The following CAPS2 variants were observed in gnomAD, a reference collection of about 807,000 sequenced individuals.
The protein encoded by CAPS2 is calcyphosin-2.
In CAPS2, 98 loss-of-function variants were observed where a neutral mutation model predicts 86.5. That is an observed-to-expected ratio of 1.13 (90% confidence interval 0.96 to 1.34). The LOEUF is 1.34. Ranked by LOEUF, CAPS2 falls within the 40% of genes most tolerant of loss-of-function variation. The probability of loss-of-function intolerance (pLI) is 0.00; values close to 1 mark genes in which losing one functional copy is unlikely to be tolerated. For missense variants in CAPS2, 729 were observed against 686.8 expected (o/e 1.06, Z -0.69); for synonymous variants, 210 against 225.1 (o/e 0.93, Z 0.60).
intron 6 of CAPS2, among the ~76,000 whole-genome samples, chr12:75,314,419 TACACTGA>T: frequency 6.6e-6 from 1 of 152,150 alleles, no homozygotes; most frequent in Non-Finnish European, 1.5e-5. Flanking sequence ...TTATTTAGCC[TACACTGA>T]ATCTAGTTTT....
chr12:75,330,866 C>T (rs2139161557), upstream of CAPS2, among the ~76,000 whole-genome samples: 1 of 151,752 alleles, frequency 6.6e-6, no homozygotes, highest in African/African-American at 2.4e-5. Flanking sequence ...CTCACTGCAA[C>T]CTCTGCCTCC....
intron 1 of CAPS2, among the ~76,000 whole-genome samples, chr12:75,350,997 A>C (rs2042772245): frequency 6.6e-6 from 1 of 152,250 alleles, no homozygotes. Flanking sequence ...TTTAGAGAGG[A>C]ACATAAATGA....
intron 8 of CAPS2, among the ~76,000 whole-genome samples, chr12:75,300,281 G>T (rs941708140): frequency 1.3e-5 from 2 of 151,952 alleles, no homozygotes; most frequent in Non-Finnish European, 2.9e-5. Flanking sequence ...TAGCGGCCGG[G>T]CGCGGTGGCT....
chr12:75,332,184 A>T (rs182047098), upstream of CAPS2, among the ~76,000 whole-genome samples: 94 of 152,314 alleles, frequency 6.2e-4, no homozygotes, highest in African/African-American at 2.2e-3. Context: ...TTACTCTATG[A>T]AATTTCTGTT....
intron 1 of CAPS2, among the ~76,000 whole-genome samples, chr12:75,379,391 G>A (rs775098718): frequency 1.4e-4 from 22 of 152,294 alleles, no homozygotes; most frequent in Admixed American, 7.8e-4. Context: ...TTGTCAAGAA[G>A]AGAAAATTCT....
At chr12:75,385,513 G>T (rs746602751) in intron 1 of CAPS2, among the ~76,000 whole-genome samples, 1 of 152,154 alleles carries the variant, frequency 6.6e-6, no homozygotes, top group Non-Finnish European at 1.5e-5. Context: ...CATACTTAAT[G>T]ATGAGAAACA....
At chr12:75,280,197 T>C (rs900091441) in intron 16 of CAPS2, among the ~76,000 whole-genome samples, 8 of 151,936 alleles carry the variant, frequency 5.3e-5, no homozygotes, top group African/African-American at 1.7e-4. Flanking sequence ...GAAGGAATAT[T>C]TTCTATAGTT....
At chr12:75,285,179 T>C (rs1405237898) in intron 14 of CAPS2, 99 bp from the exon 15 acceptor site, 2 of 1,096,074 alleles carry the variant, frequency 1.8e-6, no homozygotes, top group African/African-American at 1.6e-5. Context: ...TAGTCCTAGA[T>C]ATAACTCATT....
Position 75,321,300 on chromosome 12 carries a change from T to C in CAPS2, c.468+100A>G, listed in dbSNP as rs971054399. 1.1e-5 allele frequency: 8 copies of C among 725,186 alleles called. No homozygotes were observed. In the South Asian group the frequency reaches 1.4e-4, roughly 13 times the overall value. 44.9% of individuals were successfully genotyped at this position (725,186 alleles called of 1,614,324 possible). A position where few individuals can be genotyped will look rare whatever the true frequency, so the allele number is the denominator to read the frequency against. The stretch of plus-strand genomic sequence containing the variant: ...AAATAAATGTTAGCTATTATACTTA[T>C]TATGACTAATAGCAAGATATGTCAC... On this transcript the variant is annotated intron_variant, in intron 5 of 16. Transcript: ENST00000393284.
intron 1 of CAPS2, chr12:75,362,971 T>C (rs2043709642): frequency 3.9e-6 from 2 of 514,512 alleles, no homozygotes; most frequent in East Asian, 7.5e-5. Flanking sequence ...GAAAATAAAA[T>C]TGAGACATTA....
intron 1 of CAPS2, among the ~76,000 whole-genome samples, chr12:75,363,558 A>C (rs58040831): frequency 6.6e-6 from 1 of 152,172 alleles, no homozygotes; most frequent in African/African-American, 2.4e-5. Context: ...GTCAATGTCC[A>C]AAGTAATTAT....
chr12:75,376,602 A>T (rs2044661928), intron 1 of CAPS2, among the ~76,000 whole-genome samples: 1 of 152,150 alleles, frequency 6.6e-6, no homozygotes, highest in Non-Finnish European at 1.5e-5. Context: ...GCGAGAAGGG[A>T]TATTGCTACC....
At chr12:75,309,098 G>T (rs1386703329) in intron 7 of CAPS2, among the ~76,000 whole-genome samples, 2 of 151,976 alleles carry the variant, frequency 1.3e-5, no homozygotes, top group African/African-American at 4.8e-5. Flanking sequence ...TAGAATTATG[G>T]GATGGAGATG....
At chr12:75,276,973 A>T (rs2033042744), downstream of CAPS2, 1 of 984,424 alleles carries the variant, frequency 1.0e-6, no homozygotes, top group Admixed American at 6.2e-5. Context: ...ATTAAGTTTA[A>T]CACTAAATAA....
chr12:75,295,414 T>C (rs2036712504), intron 11 of CAPS2, among the ~76,000 whole-genome samples: 1 of 152,168 alleles, frequency 6.6e-6, no homozygotes, highest in Non-Finnish European at 1.5e-5. Context: ...ACATGGCCCT[T>C]TTGCACTTAT....
chr12:75,316,642 T>C (rs1338534632), intron 5 of CAPS2, among the ~76,000 whole-genome samples: 4 of 152,218 alleles, frequency 2.6e-5, no homozygotes, highest in East Asian at 1.9e-4. Context: ...AGGTGACTTA[T>C]AGATAAAATG....
intron 7 of CAPS2, among the ~76,000 whole-genome samples, chr12:75,307,403 T>G (rs757001795): frequency 1.3e-5 from 2 of 152,182 alleles, no homozygotes; most frequent in Non-Finnish European, 2.9e-5. Context: ...GGCATTGCAA[T>G]GGGCTAGAAA....
At chr12:75,314,546 T>A (rs928962405) in intron 6 of CAPS2, among the ~76,000 whole-genome samples, 3 of 152,218 alleles carry the variant, frequency 2.0e-5, no homozygotes, top group African/African-American at 7.2e-5. Context: ...TGATGCTTTA[T>A]AAGATTTTTA....
intron 7 of CAPS2, chr12:75,306,296 G>C (rs867508955): frequency 1.7e-6 from 1 of 599,238 alleles, no homozygotes; most frequent in Non-Finnish European, 3.0e-6. Flanking sequence ...CTATGGAGGA[G>C]GCCAGAGCTC....
Sources: allele counts gnomAD v4.1 joint callset (sites outside exome capture counted in the v4.1 genomes callset), GRCh38; gene constraint gnomAD v4.1.1; transcripts MANE v1.5; gene names NCBI Gene and HGNC (gene_info 2026-07-23, HGNC 2026-07-21).